The following KIAA0319L variants were observed in gnomAD, a reference collection of about 807,000 sequenced individuals.
KIAA0319L encodes the protein KIAA0319 like.
Under a neutral mutation model 120.1 loss-of-function variants are expected in KIAA0319L, and 55 were observed. That is an observed-to-expected ratio of 0.46 (90% confidence interval 0.37 to 0.57). The LOEUF (loss-of-function observed/expected upper bound fraction) is 0.57, where lower values mean the gene tolerates loss of function less well. Among genes scored for constraint, KIAA0319L ranks in the 20% least tolerant of loss-of-function variants. KIAA0319L has a pLI of 0.00. For synonymous variants in KIAA0319L, 398 were observed against 471.9 expected (o/e 0.84, Z 2.03); for missense variants, 1,049 against 1,255.3 (o/e 0.84, Z 2.48).
intron 2 of KIAA0319L, among the ~76,000 whole-genome samples, chr1:35,519,150 A>C (rs2148437969): frequency 6.6e-6 from 1 of 152,278 alleles, no homozygotes; most frequent in Non-Finnish European, 1.5e-5. Flanking sequence ...ATAGAGAGAC[A>C]GGTATAAACC....
chr1:35,502,738 A>C (rs1645055553), intron 3 of KIAA0319L, among the ~76,000 whole-genome samples: 1 of 152,172 alleles, frequency 6.6e-6, no homozygotes, highest in African/African-American at 2.4e-5. Flanking sequence ...CATCATGGTA[A>C]CCACTAAATG....
intron 9 of KIAA0319L, among the ~76,000 whole-genome samples, chr1:35,457,689 A>G (rs1207836314): frequency 1.3e-5 from 2 of 152,136 alleles, no homozygotes; most frequent in East Asian, 3.9e-4. Flanking sequence ...TAGAAAAGAC[A>G]TGTAGTTTGT....
At chr1:35,447,426 A>G (rs1190550072) in intron 16 of KIAA0319L, among the ~76,000 whole-genome samples, 3 of 152,090 alleles carry the variant, frequency 2.0e-5, no homozygotes, top group African/African-American at 7.2e-5. Flanking sequence ...TCCTGGGGCC[A>G]CTAAGCTTGA....
chr1:35,448,151 C>G, intron 16 of KIAA0319L, 22 bp downstream of exon 16: 2 of 1,560,164 alleles, frequency 1.3e-6, no homozygotes, highest in South Asian at 2.4e-5. Flanking sequence ...TCCTTTGCTC[C>G]CCCCATTCAT....
At chr1:35,514,364 T>TA (rs565871208) in intron 2 of KIAA0319L, among the ~76,000 whole-genome samples, 21,724 of 140,474 alleles carry the variant, frequency 0.15, 3,248 homozygotes, top group East Asian at 0.51. Context: ...TGCTAGGGAT[T>TA]AAAAAAAAAA....
intron 3 of KIAA0319L, among the ~76,000 whole-genome samples, chr1:35,499,718 A>C (rs190502862): frequency 1.3e-5 from 2 of 152,122 alleles, no homozygotes; most frequent in East Asian, 3.9e-4. Flanking sequence ...AAAAAAAATA[A>C]GGAAAGGGTG....
At chr1:35,451,272 G>C (rs1304626321) in intron 13 of KIAA0319L, among the ~76,000 whole-genome samples, 1 of 152,148 alleles carries the variant, frequency 6.6e-6, no homozygotes, top group Non-Finnish European at 1.5e-5. Flanking sequence ...CAGGAGTCAC[G>C]GCCCAGGTCT....
chr1:35,449,791 G>T, intron 15 of KIAA0319L, 76 bp downstream of exon 15: 1 of 1,523,416 alleles, frequency 6.6e-7, no homozygotes, highest in South Asian at 1.1e-5. Context: ...CATGCTCGGG[G>T]AAGGGGATCT....
At chr1:35,435,325 T>G in intron 20 of KIAA0319L, 1 of 447,786 alleles carries the variant, frequency 2.2e-6, no homozygotes. Context: ...CTGCTGGTTC[T>G]TCATCTCCAG....
intron 2 of KIAA0319L, among the ~76,000 whole-genome samples, chr1:35,532,184 GTCA>G (rs1320362177): frequency 1.3e-5 from 2 of 150,816 alleles, no homozygotes; most frequent in Non-Finnish European, 2.9e-5. Context: ...AGAGGTTGCA[GTCA>G]TCAAGATTGT....
chr1:35,467,900 G>A (rs1643374962), intron 6 of KIAA0319L, among the ~76,000 whole-genome samples: 1 of 152,050 alleles, frequency 6.6e-6, no homozygotes, highest in African/African-American at 2.4e-5. Flanking sequence ...TGTTGGCCAG[G>A]CTGGTCTTGA....
Position 35,442,944 on chromosome 1 carries a change from A to C in KIAA0319L, c.2741T>G (p.Phe914Cys), listed in dbSNP as rs1426451305. 1 of 1,614,206 alleles carries C rather than the reference A, an allele frequency of 6.2e-7. No homozygotes were observed. The highest frequency in any genetic ancestry group is 1.1e-5 in the South Asian group (1 of 91,082). The stretch of plus-strand genomic sequence containing the variant: ...TCCATCCCTCAGCTGCACCTTGATG[A>C]AATTCTCCATCCAAAAAGGGTCACA... ...CICDPFWMEN[F>C]IKVQLRDGDS... Residue 914 changes from phenylalanine (F) to cysteine (C), a missense_variant, in exon 18 of 21, where the codon TTC (phenylalanine) becomes TGC (cysteine). Phe to Cys is a radical substitution (Grantham distance 205). Coordinates refer to ENST00000325722, the MANE Select transcript of KIAA0319L (RefSeq NM_024874.5).
chr1:35,527,842 CTTTTT>C (rs146256691), intron 2 of KIAA0319L, among the ~76,000 whole-genome samples: 1 of 150,944 alleles, frequency 6.6e-6, no homozygotes, highest in African/African-American at 2.4e-5. Context: ...CTTTTCATTT[CTTTTT>C]TTTTATTTCT....
At chr1:35,544,125 TG>T (rs1558657019) in intron 2 of KIAA0319L, among the ~76,000 whole-genome samples, 1 of 152,044 alleles carries the variant, frequency 6.6e-6, no homozygotes, top group African/African-American at 2.4e-5. Flanking sequence ...CCTAGCACTT[TG>T]GGGGGCCAAG....
rs1414704674 is a variant in KIAA0319L, at chr1:35,513,288, A to ATATT, written c.143-6154_143-6153insAATA. Among the ~76,000 whole-genome samples the ATATT allele has an allele frequency of 3.4e-3, 294 of 85,292 alleles. 3 individuals are homozygous for ATATT. The highest frequency in any genetic ancestry group is 0.012 in the African/African-American group (279 of 23,482). The allele number at this position is 85,292 out of a possible 152,430, so 56.0% of individuals were successfully genotyped here. A position where few individuals can be genotyped will look rare whatever the true frequency, so the allele number is the denominator to read the frequency against. On this transcript the variant is annotated intron_variant, in intron 2 of 20. Coordinates refer to ENST00000325722, the MANE Select transcript of KIAA0319L (RefSeq NM_024874.5). The stretch of plus-strand genomic sequence containing the variant: ...ATAACATATATATATATATATATAT[A>ATATT]TTTTTTTTTTTTTTTTTTTCTGTCC...
At chr1:35,451,808 T>TA (rs779192060) in intron 12 of KIAA0319L, 32 bp from the exon 13 acceptor site, 2 of 1,611,212 alleles carry the variant, frequency 1.2e-6, no homozygotes, top group East Asian at 2.2e-5. Context: ...GGTAGAGTTG[T>TA]ACCTGTCTGC....
intron 2 of KIAA0319L, among the ~76,000 whole-genome samples, chr1:35,523,155 C>T (rs1645994661): frequency 6.6e-6 from 1 of 151,956 alleles, no homozygotes; most frequent in Non-Finnish European, 1.5e-5. Flanking sequence ...ACCATTCTTC[C>T]TCCCTTTACT....
intron 2 of KIAA0319L, among the ~76,000 whole-genome samples, chr1:35,512,599 T>C (rs1645497431): frequency 6.6e-6 from 1 of 151,968 alleles, no homozygotes; most frequent in African/African-American, 2.4e-5. Context: ...CCAGGTGCAG[T>C]GGCTCATGCC....
intron 7 of KIAA0319L, among the ~76,000 whole-genome samples, chr1:35,465,423 T>C (rs1209321773): frequency 6.6e-6 from 1 of 152,166 alleles, no homozygotes; most frequent in Non-Finnish European, 1.5e-5. Context: ...AACCCCTCTG[T>C]TTTGGCCAAA....
Sources: allele counts gnomAD v4.1 joint callset (sites outside exome capture counted in the v4.1 genomes callset), GRCh38; gene constraint gnomAD v4.1.1; transcripts MANE v1.5; gene names NCBI Gene and HGNC (gene_info 2026-07-23, HGNC 2026-07-21).